The following PCDHGA1 variants were observed in gnomAD, a reference collection of about 807,000 sequenced individuals.
PCDHGA1 encodes protocadherin gamma-A1.
Under a neutral mutation model 58.0 loss-of-function variants are expected in PCDHGA1, and 32 were observed. The ratio of observed to expected loss-of-function variants is 0.55; its 90% confidence interval spans 0.42 to 0.74. The LOEUF is 0.74. Among genes scored for constraint, PCDHGA1 ranks in the 30% least tolerant of loss-of-function variants. The pLI is 0.00. For synonymous variants in PCDHGA1, 498 were observed against 501.1 expected (o/e 0.99, Z 0.08); for missense variants, 1,205 against 1,182.3 (o/e 1.02, Z -0.28).
intron 1 of PCDHGA1, chr5:141,400,304 G>T: frequency 6.2e-7 from 1 of 1,614,048 alleles, no homozygotes; most frequent in African/African-American, 1.3e-5. Context: ...TTCCAACCTG[G>T]TCTCTGTGTC....
intron 3 of PCDHGA1, among the ~76,000 whole-genome samples, chr5:141,505,729 G>A (rs1026403192): frequency 7.9e-5 from 12 of 152,286 alleles, no homozygotes; most frequent in African/African-American, 2.9e-4. Flanking sequence ...AGGGAATAGT[G>A]GTTACAAGTC....
intron 1 of PCDHGA1, chr5:141,339,442 G>T (rs151023570): frequency 3.7e-6 from 6 of 1,614,086 alleles, no homozygotes; most frequent in South Asian, 3.3e-5. Flanking sequence ...TTAAGAATGC[G>T]CATGATGCAG....
chr5:141,370,576 T>C, intron 1 of PCDHGA1: 1 of 1,613,974 alleles, frequency 6.2e-7, no homozygotes, highest in Non-Finnish European at 8.5e-7. Context: ...GTGGGGGATT[T>C]ACCTACTAGG....
At chr5:141,372,346 A>G (rs781226207) in intron 1 of PCDHGA1, 1 of 1,613,714 alleles carries the variant, frequency 6.2e-7, no homozygotes, top group African/African-American at 1.3e-5. Flanking sequence ...GATGGAGGAC[A>G]GCAGCCTCTT....
intron 1 of PCDHGA1, among the ~76,000 whole-genome samples, chr5:141,368,348 C>T (rs1406521709): frequency 1.3e-5 from 2 of 151,986 alleles, no homozygotes; most frequent in African/African-American, 4.8e-5. Flanking sequence ...TACATATACA[C>T]ACACATATAT....
chr5:141,399,713 A>C (rs1353862646), intron 1 of PCDHGA1: 1 of 1,613,326 alleles, frequency 6.2e-7, no homozygotes, highest in Non-Finnish European at 8.5e-7. Context: ...CTCACACTAC[A>C]GGCCCGCGAC....
chr5:141,405,529 C>G, intron 1 of PCDHGA1: 1 of 654,350 alleles, frequency 1.5e-6, no homozygotes, highest in Middle Eastern at 4.2e-4. Flanking sequence ...AAGCGATTCT[C>G]CTGCCTCAGC....
At chr5:141,395,346 T>C in intron 1 of PCDHGA1, 1 of 1,396,344 alleles carries the variant, frequency 7.2e-7, no homozygotes. Context: ...TTAAGGTGTA[T>C]CACAGAGTTT....
chr5:141,370,311 A>G, intron 1 of PCDHGA1: 8 of 1,247,000 alleles, frequency 6.4e-6, no homozygotes, highest in Non-Finnish European at 8.9e-6. Context: ...CAAAGCAAAT[A>G]GTTGGTCCTG....
intron 1 of PCDHGA1, among the ~76,000 whole-genome samples, chr5:141,337,766 T>C (rs1468848344): frequency 6.6e-6 from 1 of 152,184 alleles, no homozygotes; most frequent in Admixed American, 6.5e-5. Context: ...TTGACTATGG[T>C]CAAAATGGTA....
intron 1 of PCDHGA1, among the ~76,000 whole-genome samples, chr5:141,462,903 T>A (rs1455334521): frequency 6.6e-6 from 1 of 152,208 alleles, no homozygotes; most frequent in Non-Finnish European, 1.5e-5. Context: ...GGAAGGCTAT[T>A]ATGTTTTTTG....
At chr5:141,350,477 A>G (rs1415742545) in intron 1 of PCDHGA1, 2 of 1,613,856 alleles carry the variant, frequency 1.2e-6, no homozygotes, top group African/African-American at 2.7e-5. Flanking sequence ...GGATTATTTC[A>G]ACGTTAGTTT....
chr5:141,387,827 A>G (rs2091110263), intron 1 of PCDHGA1: 2 of 1,585,958 alleles, frequency 1.3e-6, no homozygotes, highest in Non-Finnish European at 8.6e-7. Flanking sequence ...TGCAATACAG[A>G]GGTTATTTGT....
rs566234229 is a variant in PCDHGA1, at chr5:141,351,445, G to A, written c.2421+18340G>A. On this transcript the variant is annotated intron_variant, in intron 1 of 3. Coordinates refer to ENST00000517417, the MANE Select transcript of PCDHGA1 (RefSeq NM_018912.3). Reference sequence around the variant, plus strand: ...CTTTCAAATTAGAATCCACCTCGAAGAATTATTACAAGCTGGTGATTGCTG... The same window carrying A: ...CTTTCAAATTAGAATCCACCTCGAAAAATTATTACAAGCTGGTGATTGCTG... 6.8e-6 allele frequency: 11 copies of A among 1,612,822 alleles called. No individual in the cohort carries two copies. In the Admixed American group the frequency reaches 1.8e-4, roughly 27 times the overall value.
intron 1 of PCDHGA1, chr5:141,403,479 A>G: frequency 1.2e-6 from 2 of 1,613,848 alleles, no homozygotes; most frequent in Non-Finnish European, 1.7e-6. Flanking sequence ...AGCCCCAATC[A>G]CCACTTCTCC....
rs780578882 is a variant in PCDHGA1 at position 141,486,578 on chromosome 5, C to T, written c.2422-8229C>T. On this transcript the variant is annotated intron_variant, in intron 1 of 3. Coordinates refer to ENST00000517417, the MANE Select transcript of PCDHGA1 (RefSeq NM_018912.3). This position sits in a 1 kb window ranked among gnomAD's most constrained non-coding sequence, Gnocchi z 5.0. ...TGAGGTGTTTGTTCCTGAGAACAAT[C>T]GCCCAGGGGACCTGCTTTGCTCCCT... 1.6e-5 allele frequency: 26 copies of T among 1,613,728 alleles called. No homozygotes were observed. The highest frequency in any genetic ancestry group is 2.2e-5 in the South Asian group (2 of 91,072).
At chr5:141,394,783 C>A in intron 1 of PCDHGA1, 7 of 1,613,732 alleles carry the variant, frequency 4.3e-6, no homozygotes, top group Non-Finnish European at 5.9e-6. Flanking sequence ...CTCTCCGCCA[C>A]TGTCACGCTC....
At chr5:141,340,253 G>A (rs1756923458) in intron 1 of PCDHGA1, 2 of 1,614,022 alleles carry the variant, frequency 1.2e-6, no homozygotes, top group African/African-American at 2.7e-5. Flanking sequence ...TAAAGATGGA[G>A]GGAACCCCTC....
At chr5:141,390,646 C>G (rs2092199925) in intron 1 of PCDHGA1, 1 of 218,218 alleles carries the variant, frequency 4.6e-6, no homozygotes, top group Non-Finnish European at 9.0e-6. Flanking sequence ...CTTTTTTCAG[C>G]TTGGATATAC....
Sources: allele counts gnomAD v4.1 joint callset (sites outside exome capture counted in the v4.1 genomes callset), GRCh38; gene constraint gnomAD v4.1.1; non-coding constraint Gnocchi (gnomAD v3.1); transcripts MANE v1.5; gene names NCBI Gene and HGNC (gene_info 2026-07-23, HGNC 2026-07-21).